NR2C1: variants seen among roughly 807,000 people sequenced by gnomAD.
NR2C1 encodes TR2 nuclear hormone receptor.
In NR2C1, 33 loss-of-function variants were observed where a neutral mutation model predicts 74.8. The ratio of observed to expected loss-of-function variants is 0.44; its 90% CI spans 0.33 to 0.59. The LOEUF is 0.59. Ranked by LOEUF, NR2C1 falls within the 20% of genes least tolerant of loss-of-function variation. NR2C1 has a pLI of 0.02. For synonymous variants in NR2C1, 225 were observed against 240.6 expected, an observed-to-expected ratio of 0.94 and a Z score of 0.60; for missense variants, 568 against 715.6, an observed-to-expected ratio of 0.79 and a Z score of 2.35.
chr12:95,069,720 TTG>T (rs569052447), intron 1 of NR2C1, among the ~76,000 whole-genome samples: 2 of 151,918 alleles, frequency 1.3e-5, no homozygotes, highest in South Asian at 4.1e-4. Flanking sequence ...CCCCATAATT[TTG>T]TGACTGGATG....
Position 95,073,499 on chromosome 12 carries a change from G to A in NR2C1, c.-127C>T, listed in dbSNP as rs928122902. On this transcript the variant is annotated 5_prime_UTR_variant, in exon 1 of 14. Transcript: ENST00000333003. ...GGTTGAAGAAAGCCGACGGGATGTGGGATCGAGATTCACGGCGGAGAGAGC... is the reference window on the plus strand; with the variant it reads ...GGTTGAAGAAAGCCGACGGGATGTGAGATCGAGATTCACGGCGGAGAGAGC... The A allele has an allele frequency of 6.6e-6, 1 of 152,324 alleles. No individual in the cohort carries two copies. 9.4% of individuals were successfully genotyped at this position (152,324 alleles called of 1,614,324 possible). A position where few individuals can be genotyped will look rare whatever the true frequency, so the allele number is the denominator to read the frequency against.
At chr12:95,071,672 A>C (rs1876637627) in intron 1 of NR2C1, among the ~76,000 whole-genome samples, 1 of 152,142 alleles carries the variant, frequency 6.6e-6, no homozygotes, top group Non-Finnish European at 1.5e-5. Flanking sequence ...TCTATAAAAC[A>C]AAACAAAAAA....
At chr12:95,071,537 T>C (rs916118053) in intron 1 of NR2C1, among the ~76,000 whole-genome samples, 1 of 152,064 alleles carries the variant, frequency 6.6e-6, no homozygotes, top group African/African-American at 2.4e-5. Flanking sequence ...TTGGGGATGT[T>C]TGCTCCCTCA....
chr12:95,037,161 G>A (rs1870951120), intron 10 of NR2C1, among the ~76,000 whole-genome samples: 1 of 152,162 alleles, frequency 6.6e-6, no homozygotes, highest in Admixed American at 6.6e-5. Context: ...AAGAATCTAG[G>A]TAGAGATGAC....
chr12:95,030,772 G>T, intron 11 of NR2C1: 1 of 1,611,598 alleles, frequency 6.2e-7, no homozygotes, highest in South Asian at 1.1e-5. Context: ...TTGTTGATGG[G>T]GCACTGTTTT....
chr12:95,063,265 A>G (rs1177145886), intron 2 of NR2C1, among the ~76,000 whole-genome samples: 1 of 152,212 alleles, frequency 6.6e-6, no homozygotes, highest in Non-Finnish European at 1.5e-5. Context: ...AAGGCTTAGG[A>G]CTACCTAGGG....
chr12:95,064,617 T>C (rs1408565308), intron 2 of NR2C1, among the ~76,000 whole-genome samples: 2 of 152,074 alleles, frequency 1.3e-5, no homozygotes, highest in Admixed American at 6.6e-5. Flanking sequence ...GCTTGAGCAA[T>C]TGGGAGGACA....
chr12:95,044,496 T>C (rs1872048525), intron 9 of NR2C1, among the ~76,000 whole-genome samples: 1 of 151,858 alleles, frequency 6.6e-6, no homozygotes, highest in South Asian at 2.1e-4. Context: ...CAGTCTGGTC[T>C]TGAACTCCTG....
Position 95,040,544 on chromosome 12 carries a change from C to T in NR2C1, c.1185G>A (p.Glu395=), listed in dbSNP as rs750914239. 8 of 1,613,850 alleles carry T rather than the reference C, an allele frequency of 5.0e-6. No individual in the cohort carries two copies. Among genetic ancestry groups the T allele is most frequent in the Non-Finnish European group, 6.8e-6 (8 of 1,179,890 alleles). The stretch of plus-strand genomic sequence containing the variant: ...ATAAGAACAGCAGTCTGGAGGCAGA[C>T]TCCCCAATGTAGTGCACATTCAGGT... The part of the protein sequence containing the change: ...PEYLNVHYIG[E]SASRLLFLSM... Residue 395 remains glutamate, a synonymous_variant, in exon 10 of 14, where the codon GAG becomes GAA. Coordinates refer to ENST00000333003, the MANE Select transcript of NR2C1 (RefSeq NM_003297.4).
intron 11 of NR2C1, among the ~76,000 whole-genome samples, chr12:95,031,071 T>C (rs1870039186): frequency 6.6e-6 from 1 of 152,208 alleles, no homozygotes; most frequent in Middle Eastern, 3.2e-3. Flanking sequence ...AAGCTCACCC[T>C]GGATTCTTTG....
At chr12:95,051,446 G>A (rs75135781) in intron 8 of NR2C1, among the ~76,000 whole-genome samples, 10,269 of 152,184 alleles carry the variant, frequency 0.067, 519 homozygotes, top group African/African-American at 0.14. Context: ...GATTCCCCAT[G>A]AGGAGCCAAG....
intron 2 of NR2C1, among the ~76,000 whole-genome samples, chr12:95,063,897 C>T (rs139724149): frequency 0.021 from 3,157 of 151,252 alleles, 45 homozygotes; most frequent in Middle Eastern, 0.034. Context: ...GGCATGGTGG[C>T]GGGTGCCTGT....
At chr12:95,053,090 C>A (rs1873269653) in intron 7 of NR2C1, among the ~76,000 whole-genome samples, 1 of 151,848 alleles carries the variant, frequency 6.6e-6, no homozygotes, top group African/African-American at 2.4e-5. Flanking sequence ...TTCAAGTGAT[C>A]TTCCCACCTC....
At chr12:95,056,680 T>C (rs954092574) in intron 7 of NR2C1, among the ~76,000 whole-genome samples, 4 of 152,194 alleles carry the variant, frequency 2.6e-5, no homozygotes, top group African/African-American at 4.8e-5. Context: ...ATTGTACGGC[T>C]GGGCGTGCTG....
Position 95,029,713 on chromosome 12 carries a change from C to G in NR2C1, c.1394-1189G>C, listed in dbSNP as rs538220493. 6.4e-3 allele frequency among the ~76,000 whole-genome samples: 980 copies of G among 152,008 alleles called. 12 individuals carry two copies. The highest frequency in any genetic ancestry group is 0.022 in the African/African-American group (925 of 41,484). Reference sequence around the variant, plus strand: ...CTGGGATTACAGGCGCTTGCCACCACGCCTGGCTAATTTTTTTGTATTTTT... The same window carrying G: ...CTGGGATTACAGGCGCTTGCCACCAGGCCTGGCTAATTTTTTTGTATTTTT... On this transcript the variant is annotated intron_variant, in intron 11 of 13. Transcript: ENST00000333003.
intron 7 of NR2C1, among the ~76,000 whole-genome samples, chr12:95,053,833 G>A (rs543476872): frequency 3.8e-4 from 57 of 151,852 alleles, no homozygotes; most frequent in Non-Finnish European, 6.6e-4. Flanking sequence ...ACAGGCGCCC[G>A]CCACCATGCC....
At chr12:95,036,002 G>C (rs1303198223) in intron 10 of NR2C1, among the ~76,000 whole-genome samples, 10 of 152,170 alleles carry the variant, frequency 6.6e-5, no homozygotes. Context: ...TATAAAAACA[G>C]AATTTGAACC....
At chr12:95,052,300 C>T (rs770539143) in intron 7 of NR2C1, among the ~76,000 whole-genome samples, 11 of 151,902 alleles carry the variant, frequency 7.2e-5, no homozygotes, top group Non-Finnish European at 1.0e-4. Flanking sequence ...GGATTACAGG[C>T]ACATGCTACC....
At chr12:95,055,752 G>C (rs1008865980) in intron 7 of NR2C1, among the ~76,000 whole-genome samples, 1 of 152,000 alleles carries the variant, frequency 6.6e-6, no homozygotes, top group Non-Finnish European at 1.5e-5. Context: ...AGGCGATTGA[G>C]ACCATCCTGG....
Sources: allele counts gnomAD v4.1 joint callset (sites outside exome capture counted in the v4.1 genomes callset), GRCh38; gene constraint gnomAD v4.1.1; transcripts MANE v1.5; gene names NCBI Gene and HGNC (gene_info 2026-07-23, HGNC 2026-07-21).